PRKAR2A: variants seen among roughly 807,000 people sequenced by gnomAD.
PRKAR2A encodes the protein protein kinase cAMP-dependent type II regulatory subunit alpha, also known as cAMP-dependent protein kinase type II-alpha regulatory subunit.
A neutral mutation model predicts 51.9 loss-of-function variants in PRKAR2A; 29 were observed. The observed-to-expected ratio is 0.56, with a 90% confidence interval of 0.42 to 0.76. PRKAR2A has a LOEUF of 0.76. Among genes scored for constraint, PRKAR2A ranks in the 30% least tolerant of loss-of-function variants. The pLI is 0.00. For synonymous variants in PRKAR2A, 178 were observed against 186.2 expected, an observed-to-expected ratio of 0.96 and a Z score of 0.36; for missense variants, 445 against 512.1, an observed-to-expected ratio of 0.87 and a Z score of 1.26.
intron 4 of PRKAR2A, among the ~76,000 whole-genome samples, chr3:48,787,921 C>G (rs953004659): frequency 2.0e-5 from 3 of 152,220 alleles, no homozygotes; most frequent in African/African-American, 7.2e-5. Context: ...AGCTGGGTAA[C>G]AGAGGAAATC....
chr3:48,785,258 A>ATTTTTTTTTTT (rs1198962303), intron 4 of PRKAR2A, among the ~76,000 whole-genome samples: 11 of 123,890 alleles, frequency 8.9e-5, no homozygotes, highest in African/African-American at 3.3e-4. Context: ...GGCCTGGATA[A>ATTTTTTTTTTT]TTTTTTTTTT....
At chr3:48,799,597 T>C (rs1437934382) in intron 2 of PRKAR2A, among the ~76,000 whole-genome samples, 1 of 152,182 alleles carries the variant, frequency 6.6e-6, no homozygotes, top group African/African-American at 2.4e-5. Flanking sequence ...CAAAAATCAG[T>C]ATTTTATTAT....
chr3:48,807,770 T>TA (rs1358205097), intron 1 of PRKAR2A, 86 bp from the exon 2 acceptor site: 13 of 1,134,116 alleles, frequency 1.1e-5, no homozygotes, highest in Non-Finnish European at 2.7e-6. Flanking sequence ...TCTTTTACAA[T>TA]AGACCTAAGC....
intron 1 of PRKAR2A, among the ~76,000 whole-genome samples, chr3:48,819,013 T>C (rs1254125567): frequency 6.6e-6 from 1 of 152,164 alleles, no homozygotes; most frequent in Non-Finnish European, 1.5e-5. Flanking sequence ...AACACTTTTT[T>C]TTTTTTGAGA....
intron 2 of PRKAR2A, among the ~76,000 whole-genome samples, chr3:48,798,880 C>T (rs572905090): frequency 1.5e-4 from 23 of 152,116 alleles, no homozygotes; most frequent in Non-Finnish European, 3.1e-4. Flanking sequence ...AGGCTGGTCT[C>T]GAACTCCTGG....
At chr3:48,790,735 GTT>G (rs1044152237) in intron 3 of PRKAR2A, 108 bp from the exon 4 acceptor site, 3 of 646,394 alleles carry the variant, frequency 4.6e-6, no homozygotes, top group Non-Finnish European at 7.2e-6. Flanking sequence ...AAAGAGCATG[GTT>G]TCTGTTATTT....
intron 6 of PRKAR2A, among the ~76,000 whole-genome samples, chr3:48,770,538 T>G (rs2082014605): frequency 6.6e-6 from 1 of 152,150 alleles, no homozygotes; most frequent in Non-Finnish European, 1.5e-5. Flanking sequence ...GTGAGTTACT[T>G]TCCTAGAGGT....
intron 1 of PRKAR2A, among the ~76,000 whole-genome samples, chr3:48,835,567 G>A (rs544878617): frequency 8.6e-5 from 13 of 150,902 alleles, no homozygotes; most frequent in African/African-American, 2.4e-4. Context: ...TGTGACCCAG[G>A]AGGCAGAACT....
intron 9 of PRKAR2A, among the ~76,000 whole-genome samples, chr3:48,753,185 G>A (rs919861041): frequency 1.3e-5 from 2 of 150,476 alleles, no homozygotes; most frequent in African/African-American, 2.4e-5. Flanking sequence ...TGCCCGCCTC[G>A]GCCTCTCAAA....
At chr3:48,808,365 T>C (rs2082712532) in intron 1 of PRKAR2A, among the ~76,000 whole-genome samples, 1 of 152,236 alleles carries the variant, frequency 6.6e-6, no homozygotes, top group Admixed American at 6.5e-5. Context: ...GCCATTCTCC[T>C]GCCTCAGCCT....
chr3:48,786,999 A>C (rs1488912034), intron 4 of PRKAR2A, among the ~76,000 whole-genome samples: 1 of 152,184 alleles, frequency 6.6e-6, no homozygotes, highest in Non-Finnish European at 1.5e-5. Context: ...AGAATGACTA[A>C]CTAGTACTCT....
intron 1 of PRKAR2A, among the ~76,000 whole-genome samples, chr3:48,833,400 C>A (rs140342955): frequency 3.9e-4 from 59 of 152,202 alleles, no homozygotes; most frequent in African/African-American, 1.4e-3. Context: ...GCCCACGGTT[C>A]CTCTTGTGTT....
chr3:48,775,563 A>G (rs766448853), intron 5 of PRKAR2A, among the ~76,000 whole-genome samples: 3 of 151,570 alleles, frequency 2.0e-5, no homozygotes, highest in Non-Finnish European at 2.9e-5. Flanking sequence ...CATACCACTG[A>G]GGGAAACATA....
intron 2 of PRKAR2A, among the ~76,000 whole-genome samples, chr3:48,795,584 T>C (rs1472375145): frequency 6.6e-6 from 1 of 152,224 alleles, no homozygotes; most frequent in African/African-American, 2.4e-5. Flanking sequence ...TCGCTCAGGT[T>C]GAGGTACAGT....
At chr3:48,769,736 G>A (rs1189099749) in intron 6 of PRKAR2A, among the ~76,000 whole-genome samples, 1 of 151,500 alleles carries the variant, frequency 6.6e-6, no homozygotes, top group Admixed American at 6.6e-5. Context: ...CTTGGCCTCC[G>A]AAGTGCTGGG....
chr3:48,815,478 C>T (rs1464512372), intron 1 of PRKAR2A, among the ~76,000 whole-genome samples: 4 of 150,992 alleles, frequency 2.6e-5, no homozygotes, highest in East Asian at 1.9e-4. Flanking sequence ...GGGCGGATCA[C>T]GGGGTCAGGA....
At chr3:48,829,761 C>CATATATACAT in intron 1 of PRKAR2A, among the ~76,000 whole-genome samples, 1 of 130,080 alleles carries the variant, frequency 7.7e-6, no homozygotes, top group East Asian at 2.3e-4. Context: ...ATTTTATATA[C>CATATATACAT]ATACGTATAT....
chr3:48,832,196 A>G (rs367936038), intron 1 of PRKAR2A, among the ~76,000 whole-genome samples: 30 of 150,814 alleles, frequency 2.0e-4, no homozygotes, highest in African/African-American at 7.0e-4. Flanking sequence ...CAGGAGGCTG[A>G]GGCACGAGAA....
At chr3:48,783,471 G>A (rs2082235618) in intron 4 of PRKAR2A, among the ~76,000 whole-genome samples, 2 of 152,190 alleles carry the variant, frequency 1.3e-5, no homozygotes, top group South Asian at 2.1e-4. Context: ...ACCTTAACAG[G>A]AGCATCAGAT....
Sources: gnomAD v4.1 joint callset for allele counts (sites outside exome capture counted in the v4.1 genomes callset) on GRCh38, gnomAD v4.1.1 for gene constraint, MANE v1.5 for transcripts, NCBI Gene and HGNC (gene_info 2026-07-23, HGNC 2026-07-21) for gene names.